Variants in TINAG observed in about 807,000 individuals in gnomAD.
TINAG encodes tubulointerstitial nephritis antigen.
TINAG carries 83 observed loss-of-function variants against 72.7 expected under a neutral mutation model. The ratio of observed to expected loss-of-function variants is 1.14; its 90% CI spans 0.96 to 1.37. The LOEUF (loss-of-function observed/expected upper bound fraction) is 1.37, where lower values mean the gene tolerates loss of function less well. TINAG is among the 40% of genes most tolerant of loss of function. The pLI is 0.00. For missense variants in TINAG, 685 were observed against 576.6 expected (o/e 1.19, Z -1.93); for synonymous variants, 234 against 189.9 (o/e 1.23, Z -1.91).
At chr6:54,323,673 G>A (rs558336021) in intron 3 of TINAG, among the ~76,000 whole-genome samples, 1 of 152,126 alleles carries the variant, frequency 6.6e-6, no homozygotes, top group Admixed American at 6.5e-5. Flanking sequence ...AATCATTTTG[G>A]CCTGGCGAAG....
At chr6:54,310,185 C>CA (rs1784207923) in intron 1 of TINAG, among the ~76,000 whole-genome samples, 1 of 151,296 alleles carries the variant, frequency 6.6e-6, no homozygotes, top group Admixed American at 6.6e-5. Context: ...TGAGCTCAAA[C>CA]AATCCTCCTC....
chr6:54,321,432 T>A (rs1182853090), intron 3 of TINAG, 46 bp downstream of exon 3: 1 of 1,328,308 alleles, frequency 7.5e-7, no homozygotes, highest in East Asian at 2.3e-5. Context: ...TGCCATTTAC[T>A]ATGCAGGTTT....
chr6:54,325,239 A>G (rs896153747), intron 3 of TINAG, among the ~76,000 whole-genome samples: 1 of 152,262 alleles, frequency 6.6e-6, no homozygotes, highest in African/African-American at 2.4e-5. Context: ...CAAATGGCAC[A>G]TGCCAAAGTC....
chr6:54,338,209 A>AT (rs1176267560), intron 4 of TINAG, among the ~76,000 whole-genome samples: 2 of 152,184 alleles, frequency 1.3e-5, no homozygotes, highest in African/African-American at 4.8e-5. Context: ...CTGTGGTAAA[A>AT]TTGACTATGG....
chr6:54,321,318 G>A lies in TINAG; in HGVS notation c.441G>A (p.Trp147Ter). ...GCAGCACATGCTCAGGACAGCAATG[G>A]AAATGTTCCCAGCATGTATGCCTTG... The part of the protein sequence containing the change: ...CNSCTCSGQQ[W>*]KCSQHVCLVR... The change falls in exon 3 of 11, where the codon TGG becomes TGA. Residue 147 changes from tryptophan to a stop codon, truncating the protein, a stop_gained. Transcript: ENST00000259782. LOFTEE classifies it high-confidence loss of function. The A allele has an allele frequency of 6.2e-7, 1 of 1,613,782 alleles. No individual in the cohort carries two copies. Among genetic ancestry groups the A allele is most frequent in the East Asian group, 2.2e-5 (1 of 44,852 alleles).
Position 54,389,796 on chromosome 6 carries a change from T to C in TINAG, c.1302T>C (p.Ala434=). Reference sequence around the variant, plus strand: ...GTTTGTTTGTTTTTCTGCAGATTGCTGCCAATTCCTGGGGAAAGTCATGGG... The same window carrying C: ...GTTTGTTTGTTTTTCTGCAGATTGCCGCCAATTCCTGGGGAAAGTCATGGG... The part of the protein sequence containing the change: ...AQGQKEKFWI[A]ANSWGKSWGE... The change falls in exon 11 of 11, where the codon GCT becomes GCC. Residue 434 remains alanine (A), a synonymous_variant. Coordinates refer to ENST00000259782, the MANE Select transcript of TINAG (RefSeq NM_014464.4). 6.3e-7 allele frequency: 1 copy of C among 1,578,978 alleles called. No individual in the cohort carries two copies. The highest frequency in any genetic ancestry group is 1.4e-5 in the African/African-American group (1 of 72,832).
In TINAG at chr6:54,354,493, T is replaced by C. The variant is rs770495792; in HGVS notation, c.1127-20T>C. The C allele has an allele frequency of 1.3e-6, 2 of 1,590,562 alleles. No individual in the cohort carries two copies. Among genetic ancestry groups the C allele is most frequent in the South Asian group, 1.2e-5 (1 of 86,698 alleles). Reference sequence around the variant, plus strand: ...GATATTTTAATACTGTGCCATTTGTTCTGTTGGATTTTATTTTAGCCATAA... The same window carrying C: ...GATATTTTAATACTGTGCCATTTGTCCTGTTGGATTTTATTTTAGCCATAA... On this transcript the variant is annotated intron_variant, in intron 8 of 10. Coordinates refer to ENST00000259782, the MANE Select transcript of TINAG (RefSeq NM_014464.4).
At chr6:54,374,885 T>C (rs1343032222) in intron 9 of TINAG, among the ~76,000 whole-genome samples, 1 of 151,982 alleles carries the variant, frequency 6.6e-6, no homozygotes, top group Non-Finnish European at 1.5e-5. Context: ...TATCTTTACA[T>C]GTCCACTGTT....
chr6:54,347,872 C>A (rs1785163963), intron 6 of TINAG, among the ~76,000 whole-genome samples: 1 of 151,800 alleles, frequency 6.6e-6, no homozygotes. Flanking sequence ...TTTCAGTTAC[C>A]CAGATTGATG....
At chr6:54,334,440 C>A (rs898991673) in intron 4 of TINAG, among the ~76,000 whole-genome samples, 1 of 152,116 alleles carries the variant, frequency 6.6e-6, no homozygotes, top group Non-Finnish European at 1.5e-5. Context: ...AGTAGCAGGG[C>A]CTTCTAAATT....
chr6:54,381,441 TTTTGGC>T (rs1296368587), intron 10 of TINAG, among the ~76,000 whole-genome samples: 27 of 152,124 alleles, frequency 1.8e-4, no homozygotes, highest in African/African-American at 6.5e-4. Context: ...AGAGGGCATA[TTTTGGC>T]TTACAAAGCA....
Position 54,390,020 on chromosome 6 carries a change from C to G in TINAG, c.*95C>G. The G allele has an allele frequency of 6.7e-7, 1 of 1,486,776 alleles. No homozygotes were observed. The highest frequency in any genetic ancestry group is 9.1e-7 in the Non-Finnish European group (1 of 1,094,082). The allele number at this position is 1,486,776 out of a possible 1,614,324, so 92.1% of individuals were successfully genotyped here. Reference sequence around the variant, plus strand: ...TTCTTGGTGACAGTGGAATCTTTGTCTCTTCACCGTGTTAACATAATCTAT... The same window carrying G: ...TTCTTGGTGACAGTGGAATCTTTGTGTCTTCACCGTGTTAACATAATCTAT... On this transcript the variant is annotated 3_prime_UTR_variant, in exon 11 of 11. Coordinates refer to ENST00000259782, the MANE Select transcript of TINAG (RefSeq NM_014464.4).
chr6:54,376,788 CTT>C (rs1230881136), intron 9 of TINAG, among the ~76,000 whole-genome samples: 1 of 152,034 alleles, frequency 6.6e-6, no homozygotes, highest in Non-Finnish European at 1.5e-5. Flanking sequence ...TCCATAAAGA[CTT>C]TTCATATATA....
chr6:54,383,958 C>A (rs913908436), intron 10 of TINAG, among the ~76,000 whole-genome samples: 2 of 151,956 alleles, frequency 1.3e-5, no homozygotes, highest in African/African-American at 4.8e-5. Flanking sequence ...CAACCCATAT[C>A]CCCATCAATG....
At chr6:54,374,129 T>C (rs539033208) in intron 9 of TINAG, among the ~76,000 whole-genome samples, 1 of 152,272 alleles carries the variant, frequency 6.6e-6, no homozygotes, top group Non-Finnish European at 1.5e-5. Flanking sequence ...TTACATGTGA[T>C]ACTACACTTG....
intron 9 of TINAG, among the ~76,000 whole-genome samples, chr6:54,374,878 C>T (rs1251559866): frequency 6.6e-6 from 1 of 152,042 alleles, no homozygotes; most frequent in East Asian, 1.9e-4. Context: ...TATAAAATAT[C>T]TTTACATGTC....
chr6:54,330,903 CA>C (rs965566779), intron 4 of TINAG, among the ~76,000 whole-genome samples: 1 of 152,044 alleles, frequency 6.6e-6, no homozygotes, highest in African/African-American at 2.4e-5. Flanking sequence ...AGGACTAAAC[CA>C]GGAAGAATTT....
rs796613103 is a variant in TINAG at position 54,390,141 on chromosome 6, T to A, written c.*216T>A. The A allele has an allele frequency of 3.7e-6, 2 of 544,378 alleles. No homozygotes were observed. Among genetic ancestry groups the A allele is most frequent in the African/African-American group, 4.0e-5 (2 of 49,698 alleles). The allele number at this position is 544,378 out of a possible 1,614,324, so 33.7% of individuals were successfully genotyped here. A position where few individuals can be genotyped will look rare whatever the true frequency, so the allele number is the denominator to read the frequency against. ...TAAAGGACAGCAGAGTCCCTAAATGTCTTTAAAGTTCCCAGGTTGCCTTAT... is the reference window on the plus strand; with the variant it reads ...TAAAGGACAGCAGAGTCCCTAAATGACTTTAAAGTTCCCAGGTTGCCTTAT... On this transcript the variant is annotated 3_prime_UTR_variant, in exon 11 of 11. Transcript: ENST00000259782.
At chr6:54,310,578 C>T (rs144438809) in intron 1 of TINAG, among the ~76,000 whole-genome samples, 9 of 146,374 alleles carry the variant, frequency 6.1e-5, no homozygotes, top group African/African-American at 2.0e-4. Flanking sequence ...CTCTCTCTTT[C>T]TTCTCTTCTT....
Sources: allele counts gnomAD v4.1 joint callset (sites outside exome capture counted in the v4.1 genomes callset), GRCh38; gene constraint gnomAD v4.1.1; transcripts MANE v1.5; gene names NCBI Gene and HGNC (gene_info 2026-07-23, HGNC 2026-07-21).